Variants in UBE2D3 observed in about 807,000 individuals in gnomAD.
The protein encoded by UBE2D3 is ubiquitin conjugating enzyme E2 D3.
In UBE2D3, 2 loss-of-function variants were observed where a neutral mutation model predicts 22.8. The observed-to-expected ratio is 0.09, with a 90% CI of 0.04 to 0.28. The LOEUF (loss-of-function observed/expected upper bound fraction) is 0.28. Ranked by LOEUF, UBE2D3 falls within the 10% of genes least tolerant of loss-of-function variation. The probability of loss-of-function intolerance (pLI) is 1.00; values close to 1 mark genes in which losing one functional copy is unlikely to be tolerated. For missense variants in UBE2D3, 27 were observed against 182.5 expected (o/e 0.15, Z 4.91); for synonymous variants, 56 against 60.4 (o/e 0.93, Z 0.34).
At chr4:102,799,921 C>T (rs1017507481) in intron 6 of UBE2D3, among the ~76,000 whole-genome samples, 2 of 151,636 alleles carry the variant, frequency 1.3e-5, no homozygotes, top group Non-Finnish European at 2.9e-5. Flanking sequence ...CATTCTTAGC[C>T]GTTGTCTTGG....
rs1725155406 is a variant in UBE2D3, at chr4:102,795,246, T to G, written c.*2169A>C. 6.6e-6 allele frequency: 1 copy of G among 151,954 alleles called. No individual in the cohort carries two copies. The allele number at this position is 151,954 out of a possible 1,614,324, so 9.4% of individuals were successfully genotyped here. On this transcript the variant is annotated 3_prime_UTR_variant, in exon 8 of 8. Coordinates refer to ENST00000453744, the MANE Select transcript of UBE2D3 (RefSeq NM_181891.3). ...AGTCATCTCCGTAAATACCTAAGGG[T>G]TGTCTAAGGCTATAAAGGTCAATTT... is the stretch of plus-strand genomic sequence containing the variant.
At chr4:102,805,169 T>A (rs1726834178) in intron 4 of UBE2D3, among the ~76,000 whole-genome samples, 1 of 152,182 alleles carries the variant, frequency 6.6e-6, no homozygotes, top group Admixed American at 6.5e-5. Context: ...AGGCAAAATA[T>A]TTCAATGTTA....
chr4:102,839,438 A>C (rs1220994887), intron 1 of UBE2D3, among the ~76,000 whole-genome samples: 1 of 151,744 alleles, frequency 6.6e-6, no homozygotes, highest in Non-Finnish European at 1.5e-5. Flanking sequence ...CACCCAGCTA[A>C]TTTTTTTTAT....
At chr4:102,829,803 G>A (rs907679412), upstream of UBE2D3, among the ~76,000 whole-genome samples, 2 of 152,036 alleles carry the variant, frequency 1.3e-5, no homozygotes, top group South Asian at 2.1e-4. Context: ...GCTGGGCGTA[G>A]TGGCGGGCGC....
intron 1 of UBE2D3, among the ~76,000 whole-genome samples, chr4:102,850,940 TGA>T (rs991204288): frequency 5.7e-5 from 8 of 139,764 alleles, no homozygotes; most frequent in Non-Finnish European, 9.3e-5. Context: ...TGGGGGCGGG[TGA>T]GAGGGGGGTG....
chr4:102,807,511 T>C (rs898294984), intron 4 of UBE2D3, among the ~76,000 whole-genome samples: 5 of 152,184 alleles, frequency 3.3e-5, no homozygotes, highest in African/African-American at 1.2e-4. Context: ...CATATTTCAG[T>C]GAGTACTGCT....
chr4:102,833,292 G>T (rs1039266842), intron 1 of UBE2D3, among the ~76,000 whole-genome samples: 15 of 152,064 alleles, frequency 9.9e-5, no homozygotes, highest in African/African-American at 3.6e-4. Flanking sequence ...GAACCTTTGG[G>T]AGACTTTTGT....
chr4:102,862,530 A>G (rs1732948207), intron 1 of UBE2D3, among the ~76,000 whole-genome samples: 1 of 148,160 alleles, frequency 6.7e-6, no homozygotes, highest in African/African-American at 2.4e-5. Flanking sequence ...CCTTGATCAA[A>G]TGTCCTACTT....
At chr4:102,827,025 C>A in intron 1 of UBE2D3, 1 of 993,820 alleles carries the variant, frequency 1.0e-6, no homozygotes, top group Non-Finnish European at 1.2e-6. Flanking sequence ...GGACGCCGGG[C>A]TGCTTTCGGT....
intron 2 of UBE2D3, among the ~76,000 whole-genome samples, chr4:102,823,810 G>A (rs1730009694): frequency 1.3e-5 from 2 of 152,184 alleles, no homozygotes; most frequent in African/African-American, 2.4e-5. Context: ...AAATTCAAAA[G>A]CTCGATCAAA....
At chr4:102,806,727 T>TA (rs572396376) in intron 4 of UBE2D3, among the ~76,000 whole-genome samples, 4 of 151,310 alleles carry the variant, frequency 2.6e-5, no homozygotes, top group African/African-American at 4.9e-5. Context: ...GGATTTCCAA[T>TA]AAAAAAAAAT....
chr4:102,823,898 G>A (rs1730025739), intron 2 of UBE2D3, among the ~76,000 whole-genome samples: 1 of 152,156 alleles, frequency 6.6e-6, no homozygotes, highest in African/African-American at 2.4e-5. Flanking sequence ...CATAATACTT[G>A]AAATGTGGGA....
intron 1 of UBE2D3, among the ~76,000 whole-genome samples, chr4:102,854,145 G>A (rs1732517964): frequency 1.3e-5 from 2 of 152,064 alleles, no homozygotes; most frequent in South Asian, 4.1e-4. Context: ...TTCCCTTGAT[G>A]TGAATTTCTG....
intron 1 of UBE2D3, among the ~76,000 whole-genome samples, chr4:102,844,570 A>G (rs779014735): frequency 3.9e-5 from 6 of 152,242 alleles, no homozygotes; most frequent in Non-Finnish European, 7.3e-5. Flanking sequence ...GACTGGAGAA[A>G]TAGCCACAGT....
intron 1 of UBE2D3, among the ~76,000 whole-genome samples, chr4:102,849,497 A>G (rs1258524450): frequency 2.6e-5 from 4 of 152,160 alleles, no homozygotes; most frequent in African/African-American, 4.8e-5. Flanking sequence ...ATATTTGACC[A>G]AGAACTCATA....
chr4:102,809,143 A>G, intron 4 of UBE2D3: 1 of 316,822 alleles, frequency 3.2e-6, no homozygotes, highest in Non-Finnish European at 7.0e-6. Flanking sequence ...TCAATTATCC[A>G]GCATATAGTT....
chr4:102,802,294 T>C, intron 5 of UBE2D3: 1 of 272,236 alleles, frequency 3.7e-6, no homozygotes, highest in Non-Finnish European at 6.8e-6. Context: ...AAAATCAGAA[T>C]CTGTGTAACA....
chr4:102,864,712 A>C (rs775727693), intron 1 of UBE2D3, among the ~76,000 whole-genome samples: 3 of 152,218 alleles, frequency 2.0e-5, no homozygotes, highest in Non-Finnish European at 2.9e-5. Flanking sequence ...GAGTAGTAAC[A>C]AGGCCAGGCA....
chr4:102,847,347 G>A (rs891647577), intron 1 of UBE2D3, among the ~76,000 whole-genome samples: 5 of 150,304 alleles, frequency 3.3e-5, no homozygotes, highest in Admixed American at 3.3e-4. Flanking sequence ...GTGCAGTTGT[G>A]CAATCAAGGC....
Sources: allele counts gnomAD v4.1 joint callset (sites outside exome capture counted in the v4.1 genomes callset), GRCh38; gene constraint gnomAD v4.1.1; transcripts MANE v1.5; gene names NCBI Gene and HGNC (gene_info 2026-07-23, HGNC 2026-07-21).